NLGN1: variants seen among roughly 807,000 people sequenced by gnomAD.
The protein encoded by NLGN1 is neuroligin 1, also known as neuroligin-1.
Under a neutral mutation model 65.5 loss-of-function variants are expected in NLGN1, and 12 were observed. The observed-to-expected ratio is 0.18, with a 90% confidence interval of 0.12 to 0.30. The LOEUF is 0.30. Ranked by LOEUF, NLGN1 falls within the 10% of genes least tolerant of loss-of-function variation. The pLI is 1.00. For synonymous variants in NLGN1, 350 were observed against 359.5 expected, an observed-to-expected ratio of 0.97 and a Z score of 0.30; for missense variants, 750 against 1,007.1, an observed-to-expected ratio of 0.74 and a Z score of 3.46.
intron 4 of NLGN1, among the ~76,000 whole-genome samples, chr3:174,132,418 A>G (rs1484449625): frequency 6.6e-6 from 1 of 152,138 alleles, no homozygotes; most frequent in South Asian, 2.1e-4. Flanking sequence ...TTTTAATAGG[A>G]TATTGAAAAT....
At chr3:173,833,919 A>G (rs9855797) in intron 4 of NLGN1, among the ~76,000 whole-genome samples, 103,979 of 151,972 alleles carry the variant, frequency 0.68, 36,289 homozygotes, top group Non-Finnish European at 0.74. Flanking sequence ...TCAAAAGACC[A>G]AGACTATTGG....
chr3:173,731,145 T>G (rs2150055989), intron 3 of NLGN1, among the ~76,000 whole-genome samples: 1 of 152,140 alleles, frequency 6.6e-6, no homozygotes, highest in African/African-American at 2.4e-5. Flanking sequence ...AATTTAGTAC[T>G]ATTTTATGCA....
At chr3:173,460,463 T>C (rs1723196485) in intron 2 of NLGN1, among the ~76,000 whole-genome samples, 1 of 152,158 alleles carries the variant, frequency 6.6e-6, no homozygotes, top group Non-Finnish European at 1.5e-5. Context: ...CTTCCCATAA[T>C]AGTTCAACCA....
chr3:173,621,196 G>A (rs1753931768), intron 3 of NLGN1, among the ~76,000 whole-genome samples: 1 of 152,086 alleles, frequency 6.6e-6, no homozygotes, highest in Non-Finnish European at 1.5e-5. Flanking sequence ...AGGTCATTAA[G>A]GAGGAAGAAA....
chr3:174,118,273 C>G (rs1430766184), intron 4 of NLGN1, among the ~76,000 whole-genome samples: 5 of 152,052 alleles, frequency 3.3e-5, no homozygotes, highest in Admixed American at 1.3e-4. Flanking sequence ...ACCTCTTTAT[C>G]TAGTGGAAGA....
intron 4 of NLGN1, among the ~76,000 whole-genome samples, chr3:174,146,671 G>A (rs1723340530): frequency 2.6e-5 from 4 of 151,470 alleles, no homozygotes; most frequent in African/African-American, 7.3e-5. Flanking sequence ...GGGTCAAAGC[G>A]ATTCTCCTGC....
intron 4 of NLGN1, among the ~76,000 whole-genome samples, chr3:173,816,517 T>C (rs141907121): frequency 1.3e-5 from 2 of 152,372 alleles, no homozygotes; most frequent in African/African-American, 4.8e-5. Flanking sequence ...TCTAAAACGC[T>C]AGATTTAAAT....
chr3:174,085,558 T>C (rs1743069943), intron 4 of NLGN1, among the ~76,000 whole-genome samples: 1 of 152,068 alleles, frequency 6.6e-6, no homozygotes, highest in Non-Finnish European at 1.5e-5. Flanking sequence ...CTTTTCAAAT[T>C]AGACCTTGTA....
chr3:173,602,420 G>T (rs1267134727), intron 2 of NLGN1, among the ~76,000 whole-genome samples: 1 of 151,888 alleles, frequency 6.6e-6, no homozygotes, highest in Non-Finnish European at 1.5e-5. Flanking sequence ...TGTAAAATGG[G>T]ATATTTTTGT....
chr3:173,724,713 A>G (rs953977781), intron 3 of NLGN1, among the ~76,000 whole-genome samples: 7 of 152,196 alleles, frequency 4.6e-5, no homozygotes, highest in African/African-American at 1.7e-4. Flanking sequence ...AAATCATGCT[A>G]CTATAAAGAC....
At chr3:173,933,562 T>G (rs1160237724) in intron 4 of NLGN1, among the ~76,000 whole-genome samples, 1 of 152,118 alleles carries the variant, frequency 6.6e-6, no homozygotes, top group Non-Finnish European at 1.5e-5. Context: ...AAATGGCAAG[T>G]TATTCAGATC....
intron 2 of NLGN1, among the ~76,000 whole-genome samples, chr3:173,566,055 T>C (rs1300642550): frequency 6.6e-6 from 1 of 152,190 alleles, no homozygotes; most frequent in Non-Finnish European, 1.5e-5. Context: ...ATACTGGGAT[T>C]AGATAAAGAC....
At chr3:174,287,798 G>A (rs1011668298), downstream of NLGN1, among the ~76,000 whole-genome samples, 7 of 151,316 alleles carry the variant, frequency 4.6e-5, no homozygotes, top group Admixed American at 1.3e-4. Context: ...CCTATTACTA[G>A]TTATGACCTC....
intron 2 of NLGN1, among the ~76,000 whole-genome samples, chr3:173,519,889 A>G (rs1734474231): frequency 6.6e-6 from 1 of 152,100 alleles, no homozygotes. Context: ...GTGGGATGAT[A>G]TGATTTGTAT....
Position 173,807,843 on chromosome 3 carries a change from T to TA in NLGN1, c.646+11_646+12insA, listed in dbSNP as rs1491468628. ...GACTTGGAGTACTCGGTAAGAAGAGTCTCTCTTTTGTTTTCACCATGAATC... is the reference window on the plus strand; with the variant it reads ...GACTTGGAGTACTCGGTAAGAAGAGTACTCTCTTTTGTTTTCACCATGAATC... On this transcript the variant is annotated intron_variant, in intron 4 of 6. Transcript: ENST00000457714. The TA allele has an allele frequency of 2.5e-6, 4 of 1,610,966 alleles. No homozygotes were observed. The highest frequency in any genetic ancestry group is 3.4e-6 in the Non-Finnish European group (4 of 1,177,488).
At chr3:173,807,735 A>G (rs142368146) in exon 4 of NLGN1, 2 of 1,613,774 alleles carry the variant, frequency 1.2e-6, no homozygotes, top group Admixed American at 1.7e-5. Flanking sequence ...ATGGTGGCTC[A>G]TATATGGAAG....
intron 2 of NLGN1, among the ~76,000 whole-genome samples, chr3:173,575,375 T>G (rs1209752965): frequency 6.6e-6 from 1 of 152,134 alleles, no homozygotes; most frequent in East Asian, 1.9e-4. Context: ...GACTTAAAAA[T>G]AATAGATATT....
At chr3:173,873,780 G>C (rs756924376) in intron 4 of NLGN1, among the ~76,000 whole-genome samples, 2 of 152,030 alleles carry the variant, frequency 1.3e-5, no homozygotes, top group Non-Finnish European at 2.9e-5. Flanking sequence ...AGAGATCTTG[G>C]ACAGTGATGG....
At chr3:173,579,696 C>T (rs1471782300) in intron 2 of NLGN1, among the ~76,000 whole-genome samples, 9 of 152,168 alleles carry the variant, frequency 5.9e-5, no homozygotes, top group Admixed American at 2.6e-4. Context: ...GATTCTTCCC[C>T]GTAGAAAGAA....
Sources: allele counts gnomAD v4.1 joint callset (sites outside exome capture counted in the v4.1 genomes callset), GRCh38; gene constraint gnomAD v4.1.1; transcripts MANE v1.5; gene names NCBI Gene and HGNC (gene_info 2026-07-23, HGNC 2026-07-21).